Variants in BLTP1 observed in about 807,000 individuals in gnomAD.
The protein encoded by BLTP1 is bridge-like lipid transfer protein family member 1.
chr4:122,194,438 A>T, the BLTP1 span: 1 of 543,668 alleles, frequency 1.8e-6, no homozygotes, highest in Non-Finnish European at 2.3e-6. Flanking sequence ...TATTGGATTT[A>T]AATTTTCCTC....
At chr4:122,331,730 G>T in the BLTP1 span, 1 of 980,034 alleles carries the variant, frequency 1.0e-6, no homozygotes, top group African/African-American at 1.8e-5. Context: ...ATATTTTCTG[G>T]CAACTAGAAA....
At chr4:122,281,977 CT>C in the BLTP1 span, 1 of 984,742 alleles carries the variant, frequency 1.0e-6, no homozygotes, top group Non-Finnish European at 1.2e-6. Flanking sequence ...AGAATGAACT[CT>C]TTTGAACTCC....
the BLTP1 span, chr4:122,270,497 T>A: frequency 5.2e-5 from 16 of 306,920 alleles, 1 homozygote; most frequent in Middle Eastern, 1.6e-3. Context: ...GCCAAAATAA[T>A]TTTTTTATCA....
the BLTP1 span, among the ~76,000 whole-genome samples, chr4:122,323,367 A>G: frequency 6.6e-6 from 1 of 152,128 alleles, no homozygotes; most frequent in Non-Finnish European, 1.5e-5. Context: ...AACTGAAAAC[A>G]AAGTCTAAAA....
At chr4:122,158,166 G>A in the BLTP1 span, among the ~76,000 whole-genome samples, 11 of 152,180 alleles carry the variant, frequency 7.2e-5, no homozygotes, top group African/African-American at 2.7e-4. Context: ...AAAAATGGAA[G>A]TGAGAAATTG....
chr4:122,168,491 T>G, the BLTP1 span, among the ~76,000 whole-genome samples: 1 of 152,212 alleles, frequency 6.6e-6, no homozygotes, highest in African/African-American at 2.4e-5. Flanking sequence ...CATATGTTAT[T>G]TTATGATATG....
chr4:122,190,232 G>A, the BLTP1 span: 1 of 663,724 alleles, frequency 1.5e-6, no homozygotes, highest in Non-Finnish European at 1.9e-6. Flanking sequence ...GAGTTGCTAA[G>A]ATGACAGGAA....
chr4:122,335,113 C>T, the BLTP1 span, among the ~76,000 whole-genome samples: 1 of 151,962 alleles, frequency 6.6e-6, no homozygotes, highest in African/African-American at 2.4e-5. Flanking sequence ...TCCATCATGT[C>T]TCAGTCATGT....
At chr4:122,272,939 A>G in the BLTP1 span, among the ~76,000 whole-genome samples, 142 of 152,196 alleles carry the variant, frequency 9.3e-4, 2 homozygotes, top group African/African-American at 3.1e-3. Flanking sequence ...ATGTATCACA[A>G]AGAAAATACC....
chr4:122,348,239 C>CTTATGAT, the BLTP1 span, among the ~76,000 whole-genome samples: 1 of 152,130 alleles, frequency 6.6e-6, no homozygotes, highest in South Asian at 2.1e-4. Context: ...GCAACAGCAC[C>CTTATGAT]TTATGATTTT....
chr4:122,235,541 CA>C, the BLTP1 span: 1 of 918,292 alleles, frequency 1.1e-6, no homozygotes, highest in Non-Finnish European at 1.3e-6. Context: ...CGTGGTGGCT[CA>C]CACCTGTAAT....
At chr4:122,181,873 C>T in the BLTP1 span, among the ~76,000 whole-genome samples, 1 of 152,030 alleles carries the variant, frequency 6.6e-6, no homozygotes, top group Non-Finnish European at 1.5e-5. Context: ...CAATGTTGTG[C>T]TCCTCTTGAT....
At chr4:122,185,234 A>T in the BLTP1 span, 1 of 980,878 alleles carries the variant, frequency 1.0e-6, no homozygotes, top group Non-Finnish European at 1.2e-6. Flanking sequence ...TTTCTAAAAC[A>T]TCTGTTATAA....
the BLTP1 span, chr4:122,293,255 G>C: frequency 1.2e-6 from 1 of 808,746 alleles, no homozygotes. Flanking sequence ...GGTAGAAGCA[G>C]CTGTAGTCCA....
chr4:122,328,854 A>G, the BLTP1 span: 1 of 709,662 alleles, frequency 1.4e-6, no homozygotes, highest in African/African-American at 1.9e-5. Context: ...TATGCCCTCA[A>G]GAGGAGCGGC....
chr4:122,311,778 T>C, the BLTP1 span, among the ~76,000 whole-genome samples: 1 of 152,308 alleles, frequency 6.6e-6, no homozygotes, highest in South Asian at 2.1e-4. Flanking sequence ...TTTAGATGTC[T>C]GCAAGCTCTC....
At chr4:122,339,399 G>A in the BLTP1 span, 1 of 1,610,556 alleles carries the variant, frequency 6.2e-7, no homozygotes, top group Admixed American at 1.7e-5. Context: ...TAGCAAAACT[G>A]GAATACCAGG....
At chr4:122,327,032 G>C in the BLTP1 span, among the ~76,000 whole-genome samples, 1 of 151,702 alleles carries the variant, frequency 6.6e-6, no homozygotes, top group South Asian at 2.1e-4. Flanking sequence ...ACTTTATAAA[G>C]GCTTATTACT....
the BLTP1 span, chr4:122,246,420 T>G: frequency 9.1e-7 from 1 of 1,099,274 alleles, no homozygotes; most frequent in Non-Finnish European, 1.2e-6. Context: ...AAAATATGTT[T>G]TATTTCTATG....
Sources: allele counts gnomAD v4.1 joint callset (sites outside exome capture counted in the v4.1 genomes callset), GRCh38; gene constraint gnomAD v4.1.1; transcripts MANE v1.5; gene names NCBI Gene and HGNC (gene_info 2026-07-23, HGNC 2026-07-21).